Variants in RPL34 observed in about 807,000 individuals in gnomAD.
RPL34 encodes ribosomal protein L34.
Under a neutral mutation model 16.3 loss-of-function variants are expected in RPL34, and 2 were observed. The ratio of observed to expected loss-of-function variants is 0.12; its 90% CI spans 0.05 to 0.39. RPL34 has a LOEUF of 0.39. Among genes scored for constraint, RPL34 ranks in the 10% least tolerant of loss-of-function variants. The pLI is 0.99. For synonymous variants in RPL34, 47 were observed against 48.5 expected, an observed-to-expected ratio of 0.97 and a Z score of 0.13; for missense variants, 82 against 148.8, an observed-to-expected ratio of 0.55 and a Z score of 2.33.
intron 4 of RPL34, 31 bp from the exon 5 acceptor site, chr4:108,625,097 G>T: frequency 1.4e-6 from 2 of 1,460,336 alleles, no homozygotes; most frequent in South Asian, 1.2e-5. Flanking sequence ...TCATTTTAAA[G>T]AAATGATTAA....
At chr4:108,628,336 C>T (rs1432819461), downstream of RPL34, among the ~76,000 whole-genome samples, 4 of 147,200 alleles carry the variant, frequency 2.7e-5, no homozygotes, top group African/African-American at 9.8e-5. Flanking sequence ...TATACTGCAC[C>T]AAGCAGTTCT....
intron 1 of RPL34, chr4:108,620,846 G>C (rs1012137159): frequency 6.6e-6 from 1 of 152,576 alleles, no homozygotes; most frequent in African/African-American, 2.4e-5. Context: ...TGCATTCCAA[G>C]TGTAGCGTTT....
downstream of RPL34, among the ~76,000 whole-genome samples, chr4:108,629,070 G>A (rs1037351592): frequency 3.9e-5 from 6 of 152,070 alleles, no homozygotes; most frequent in Admixed American, 1.3e-4. Flanking sequence ...CGCCCGCCTC[G>A]GCCTGCTAAA....
Position 108,622,110 on chromosome 4 carries a change from G to T in RPL34, c.71G>T (p.Arg24Leu), listed in dbSNP as rs766281460. Residue 24 changes from arginine (R) to leucine (L), a missense_variant, in exon 3 of 5, where the codon CGA (arginine) becomes CTA (leucine). By Grantham distance (102) the Arg-to-Leu change is moderately radical. Transcript: ENST00000394667. ...NTASNKTRLSRTPGNRIVYLY... is the reference protein window; with the variant it reads ...NTASNKTRLSLTPGNRIVYLY... Reference sequence around the variant, plus strand: ...CTGACTGTTTCACTTTCTAGGTCCCGAACCCCTGGTAATAGAATTGTTTAC... The same window carrying T: ...CTGACTGTTTCACTTTCTAGGTCCCTAACCCCTGGTAATAGAATTGTTTAC... 4 of 1,613,080 alleles carry T rather than the reference G, an allele frequency of 2.5e-6. No individual in the cohort carries two copies. Among genetic ancestry groups the T allele is most frequent in the Non-Finnish European group, 3.4e-6 (4 of 1,179,146 alleles).
At chr4:108,624,955 C>G (rs139268340) in intron 4 of RPL34, among the ~76,000 whole-genome samples, 173 bp from the exon 5 acceptor site, 214 of 152,196 alleles carry the variant, frequency 1.4e-3, no homozygotes, top group African/African-American at 4.7e-3. Context: ...GAAGGATTAT[C>G]CTGCTTTAAA....
At chr4:108,625,522 A>T (rs1215902595), downstream of RPL34, 1 of 229,768 alleles carries the variant, frequency 4.4e-6, no homozygotes, top group African/African-American at 2.3e-5. Context: ...AGTAGCTGGG[A>T]TTATAGGCAT....
At chr4:108,625,394 G>T, downstream of RPL34, 1 of 494,890 alleles carries the variant, frequency 2.0e-6, no homozygotes, top group South Asian at 2.8e-5. Flanking sequence ...GGTTTGGTTT[G>T]GTTTTTTTGA....
chr4:108,622,911 G>A (rs967454931), intron 4 of RPL34: 12 of 274,824 alleles, frequency 4.4e-5, no homozygotes, highest in Non-Finnish European at 7.6e-5. Context: ...TGTGGAAGGT[G>A]TTAAAAGTGT....
At chr4:108,625,909 G>A (rs543411758), downstream of RPL34, among the ~76,000 whole-genome samples, 137 of 152,172 alleles carry the variant, frequency 9.0e-4, 3 homozygotes, top group South Asian at 0.019. Flanking sequence ...AGAAACCTTG[G>A]TATTCTAGTT....
At chr4:108,621,337 G>C (rs1369553059) in intron 1 of RPL34, 1 of 153,306 alleles carries the variant, frequency 6.5e-6, no homozygotes, top group Non-Finnish European at 1.5e-5. Flanking sequence ...TCCAGAAGTG[G>C]GAAGAAAGCA....
At chr4:108,629,761 G>GT (rs1390822003), downstream of RPL34, among the ~76,000 whole-genome samples, 27 of 152,280 alleles carry the variant, frequency 1.8e-4, no homozygotes, top group Non-Finnish European at 2.9e-5. Context: ...ATCTCCAAAT[G>GT]TTTAAGTAAG....
chr4:108,625,170 G>C lies in RPL34; in HGVS notation c.312G>C (p.Val104=), dbSNP rs1006934535. 6.8e-6 allele frequency: 11 copies of C among 1,611,056 alleles called. No homozygotes were observed. The African/African-American group carries it at 1.5e-4, about 22-fold the overall frequency. Residue 104 remains valine (V), a synonymous_variant, in exon 5 of 5, where the codon GTG becomes GTC. Transcript: ENST00000394667. ...AFLIEEQKIV[V]KVLKAQAQSQ... ...TTATCGAGGAGCAGAAAATCGTTGT[G>C]AAAGTGTTGAAGGCACAAGCACAGA...
At chr4:108,623,325 T>G (rs1199036569) in intron 4 of RPL34, 1 of 151,838 alleles carries the variant, frequency 6.6e-6, no homozygotes, top group African/African-American at 2.4e-5. Context: ...GGAGCGAAAC[T>G]CTGTCTCAAA....
chr4:108,627,547 G>A (rs949282333), downstream of RPL34, among the ~76,000 whole-genome samples: 1 of 152,080 alleles, frequency 6.6e-6, no homozygotes, highest in Non-Finnish European at 1.5e-5. Context: ...AAGTGGCAAA[G>A]CTGGCAGTTG....
At chr4:108,622,289 G>C (rs913366918) in intron 3 of RPL34, 85 bp downstream of exon 3, 9 of 1,048,990 alleles carry the variant, frequency 8.6e-6, no homozygotes, top group Admixed American at 7.3e-5. Context: ...GAATCAAGGA[G>C]AGGTTACCAC....
Position 108,620,607 on chromosome 4 carries a change from A to T in RPL34, c.-10+7A>T, listed in dbSNP as rs896611926. The T allele has an allele frequency of 1.3e-5, 4 of 298,136 alleles. No homozygotes were observed. The highest frequency in any genetic ancestry group is 6.6e-5 in the African/African-American group (3 of 45,510). The allele number at this position is 298,136 out of a possible 1,614,324, so 18.5% of individuals were successfully genotyped here. Reference sequence around the variant, plus strand: ...CCGGGGACGTTGTCTGCAGGTATGGATGTTGTTCTCTTTTCCCTGTCTTTA... The same window carrying T: ...CCGGGGACGTTGTCTGCAGGTATGGTTGTTGTTCTCTTTTCCCTGTCTTTA... On this transcript the variant is annotated splice_region_variant and intron_variant, in intron 1 of 4. Transcript: ENST00000394667.
chr4:108,626,997 T>G (rs1726026885), downstream of RPL34, among the ~76,000 whole-genome samples: 3 of 152,082 alleles, frequency 2.0e-5, no homozygotes, highest in Non-Finnish European at 4.4e-5. Context: ...CCCAGTACTT[T>G]GGGAGGCCAA....
At chr4:108,629,858 T>G (rs1328703691), downstream of RPL34, among the ~76,000 whole-genome samples, 1 of 152,228 alleles carries the variant, frequency 6.6e-6, no homozygotes, top group Non-Finnish European at 1.5e-5. Flanking sequence ...ATTTTGATAG[T>G]CAGGGCTATG....
At chr4:108,624,914 A>G (rs1228755957) in intron 4 of RPL34, among the ~76,000 whole-genome samples, 1 of 152,184 alleles carries the variant, frequency 6.6e-6, no homozygotes, top group East Asian at 1.9e-4. Flanking sequence ...CTTGACTCAG[A>G]AGGAGGACAG....
Sources: gnomAD v4.1 joint callset for allele counts (sites outside exome capture counted in the v4.1 genomes callset) on GRCh38, gnomAD v4.1.1 for gene constraint, MANE v1.5 for transcripts, NCBI Gene and HGNC (gene_info 2026-07-23, HGNC 2026-07-21) for gene names.